SPAG16: variants seen among roughly 807,000 people sequenced by gnomAD.
The protein encoded by SPAG16 is sperm-associated antigen 16 protein.
In SPAG16, 86 loss-of-function variants were observed where a neutral mutation model predicts 80.4. That is an observed-to-expected ratio of 1.07 (90% CI 0.90 to 1.28). SPAG16 has a LOEUF of 1.28. SPAG16 is among the 50% of genes most tolerant of loss of function. The probability of loss-of-function intolerance (pLI) is 0.00; values close to 1 mark genes in which losing one functional copy is unlikely to be tolerated. For synonymous variants in SPAG16, 294 were observed against 265.9 expected, an observed-to-expected ratio of 1.11 and a Z score of -1.03; for missense variants, 870 against 765.3, an observed-to-expected ratio of 1.14 and a Z score of -1.61.
At chr2:213,818,871 C>T (rs1028831145) in intron 10 of SPAG16, among the ~76,000 whole-genome samples, 1 of 152,124 alleles carries the variant, frequency 6.6e-6, no homozygotes, top group Non-Finnish European at 1.5e-5. Context: ...GTGCCTGCTT[C>T]CCCTTTGCCT....
At chr2:214,047,477 G>C (rs889344288) in intron 13 of SPAG16, among the ~76,000 whole-genome samples, 1 of 152,052 alleles carries the variant, frequency 6.6e-6, no homozygotes, top group East Asian at 1.9e-4. Context: ...TGCTGGAAAA[G>C]CAGGATATCC....
At chr2:213,619,122 A>G (rs948424004) in intron 10 of SPAG16, among the ~76,000 whole-genome samples, 1 of 152,156 alleles carries the variant, frequency 6.6e-6, no homozygotes, top group African/African-American at 2.4e-5. Flanking sequence ...ATTTTATGCA[A>G]TGATTAGGAA....
chr2:213,483,577 A>T (rs1663844304), intron 9 of SPAG16, among the ~76,000 whole-genome samples: 1 of 152,162 alleles, frequency 6.6e-6, no homozygotes, highest in Admixed American at 6.5e-5. Context: ...ATCACCTAGA[A>T]AGCTCACTGA....
intron 9 of SPAG16, among the ~76,000 whole-genome samples, chr2:213,449,195 GA>G (rs1326345209): frequency 2.0e-5 from 3 of 152,118 alleles, no homozygotes; most frequent in Non-Finnish European, 4.4e-5. Flanking sequence ...CTAGGGTGGG[GA>G]AAAACTCTGC....
At chr2:213,729,045 G>GA (rs1318522738) in intron 10 of SPAG16, among the ~76,000 whole-genome samples, 1 of 151,908 alleles carries the variant, frequency 6.6e-6, no homozygotes, top group Non-Finnish European at 1.5e-5. Context: ...GGTGATCAAT[G>GA]AAAAATTGTT....
intron 13 of SPAG16, among the ~76,000 whole-genome samples, chr2:214,103,793 A>AG (rs1160081821): frequency 6.8e-6 from 1 of 147,362 alleles, no homozygotes; most frequent in Non-Finnish European, 1.5e-5. Context: ...TTCCTTATGT[A>AG]GGGGGCAGGG....
chr2:214,261,589 C>A (rs976708045), intron 15 of SPAG16, among the ~76,000 whole-genome samples: 3 of 152,130 alleles, frequency 2.0e-5, no homozygotes, highest in African/African-American at 7.2e-5. Context: ...TTTTGGAACA[C>A]TATCTTATCA....
chr2:213,631,396 A>C (rs1236603731), intron 10 of SPAG16, among the ~76,000 whole-genome samples: 1 of 152,172 alleles, frequency 6.6e-6, no homozygotes, highest in African/African-American at 2.4e-5. Context: ...GAGTACTTTA[A>C]ATGTATTAAT....
At chr2:213,950,029 T>C (rs2079665806) in intron 12 of SPAG16, among the ~76,000 whole-genome samples, 1 of 152,170 alleles carries the variant, frequency 6.6e-6, no homozygotes, top group East Asian at 1.9e-4. Flanking sequence ...CATATATCTG[T>C]AGTTAGGTGA....
chr2:214,045,614 A>G (rs2049275459), intron 13 of SPAG16, among the ~76,000 whole-genome samples: 1 of 152,216 alleles, frequency 6.6e-6, no homozygotes. Context: ...ATGATCAATG[A>G]GTTAATGAAG....
intron 15 of SPAG16, among the ~76,000 whole-genome samples, chr2:214,302,436 T>A (rs1051032928): frequency 1.3e-5 from 2 of 152,096 alleles, no homozygotes; most frequent in African/African-American, 4.8e-5. Flanking sequence ...TTGCTGCCAG[T>A]GTCTTTTTGT....
intron 10 of SPAG16, among the ~76,000 whole-genome samples, chr2:213,598,523 A>G (rs1210180917): frequency 4.6e-5 from 7 of 152,332 alleles, no homozygotes; most frequent in Non-Finnish European, 4.4e-5. Flanking sequence ...GAAGAATTCC[A>G]GATGATTGAA....
chr2:213,649,554 G>A (rs966279402), intron 10 of SPAG16, among the ~76,000 whole-genome samples: 7 of 152,112 alleles, frequency 4.6e-5, no homozygotes, highest in Non-Finnish European at 7.4e-5. Context: ...ATTTAGCACA[G>A]CTCATTTTGT....
intron 10 of SPAG16, among the ~76,000 whole-genome samples, chr2:213,724,787 AAAAAAAAAAAAAAAG>A (rs1170895244): frequency 0.038 from 5,235 of 138,464 alleles, 240 homozygotes; most frequent in African/African-American, 0.11. Context: ...AAAAAAAAAA[AAAAAAAAAAAAAAAG>A]AAAAAAGGAT....
At chr2:213,590,791 A>G (rs1250678213) in intron 10 of SPAG16, among the ~76,000 whole-genome samples, 2 of 152,236 alleles carry the variant, frequency 1.3e-5, no homozygotes, top group Non-Finnish European at 1.5e-5. Context: ...CAGTAATCCT[A>G]TTAGTGGATA....
chr2:214,369,987 T>G (rs1699711666), intron 15 of SPAG16, among the ~76,000 whole-genome samples: 1 of 152,120 alleles, frequency 6.6e-6, no homozygotes, highest in African/African-American at 2.4e-5. Context: ...TGAAAACTCT[T>G]TTTTCAAAGG....
chr2:214,387,971 T>A (rs1159183397), intron 15 of SPAG16, among the ~76,000 whole-genome samples: 1 of 151,734 alleles, frequency 6.6e-6, no homozygotes, highest in Non-Finnish European at 1.5e-5. Context: ...AAGTTTTACA[T>A]TTCTCTCCAA....
chr2:213,557,913 A>AT lies in SPAG16; in HGVS notation c.1070+67829dup, dbSNP rs1407700891. On this transcript the variant is annotated intron_variant, in intron 10 of 15. Transcript: ENST00000331683. ...GCATAATCCTATTCTTTCTAAAGGG[A>AT]TTTTTTAAAAAACAAGGAAGTCATC... Among the ~76,000 whole-genome samples the AT allele has an allele frequency of 5.3e-5, 8 of 152,272 alleles. No homozygotes were observed. The South Asian group carries it at 8.3e-4, about 16-fold the overall frequency.
intron 10 of SPAG16, among the ~76,000 whole-genome samples, chr2:213,860,482 T>TAGATATATAG (rs1553646319): frequency 2.3e-5 from 3 of 132,866 alleles, no homozygotes; most frequent in Non-Finnish European, 4.8e-5. Flanking sequence ...TCTATATATA[T>TAGATATATAG]ATATACACAC....
Sources: allele counts gnomAD v4.1 joint callset (sites outside exome capture counted in the v4.1 genomes callset), GRCh38; gene constraint gnomAD v4.1.1; transcripts MANE v1.5; gene names NCBI Gene and HGNC (gene_info 2026-07-23, HGNC 2026-07-21).